EVC2: variants seen among roughly 807,000 people sequenced by gnomAD.
The protein encoded by EVC2 is limbin.
EVC2 carries 148 observed loss-of-function variants against 149.3 expected under a neutral mutation model. That is an observed-to-expected ratio of 0.99 (90% CI 0.87 to 1.14). The LOEUF (loss-of-function observed/expected upper bound fraction) is 1.14, where lower values mean the gene tolerates loss of function less well. Ranked by LOEUF, EVC2 falls within the 50% of genes most tolerant of loss-of-function variation. The pLI is 0.00. For missense variants in EVC2, 1,854 were observed against 1,627.3 expected (o/e 1.14, Z -2.40); for synonymous variants, 776 against 649.9 (o/e 1.19, Z -2.95).
Position 5,686,913 on chromosome 4 carries a change from G to C in EVC2, c.707-1434C>G, listed in dbSNP as rs1426725764. Among the ~76,000 whole-genome samples the C allele has an allele frequency of 6.6e-6, 1 of 152,168 alleles. No homozygotes were observed. The highest frequency in any genetic ancestry group is 1.5e-5 in the Non-Finnish European group (1 of 68,038). On this transcript the variant is annotated intron_variant, in intron 5 of 21. Coordinates refer to ENST00000344408, the MANE Select transcript of EVC2 (RefSeq NM_147127.5). The surrounding 1 kb of genome is among the most constrained non-coding windows in gnomAD (Gnocchi z 5.4). ...CAGGGAATGTAGAGCCCAGTAGGTA[G>C]AGCTAAGCATGGGCATAAATAACAA... is the stretch of plus-strand genomic sequence containing the variant.
downstream of EVC2, among the ~76,000 whole-genome samples, chr4:5,538,674 T>TA (rs869264592): frequency 1.3e-5 from 2 of 152,296 alleles, no homozygotes; most frequent in East Asian, 1.9e-4. Flanking sequence ...TAATATTTTT[T>TA]AAAAAATCAA....
chr4:5,556,179 CAAAAAAAAAAAAAA>C (rs61024761), intron 21 of EVC2, among the ~76,000 whole-genome samples: 115 of 65,040 alleles, frequency 1.8e-3, no homozygotes, highest in African/African-American at 7.3e-3. Flanking sequence ...GACTCCGTCT[CAAAAAAAAAAAAAA>C]AAAAAAAAAA....
At chr4:5,701,858 C>A (rs1441626895) in intron 1 of EVC2, among the ~76,000 whole-genome samples, 1 of 152,166 alleles carries the variant, frequency 6.6e-6, no homozygotes, top group African/African-American at 2.4e-5. Context: ...CAACCCAGAA[C>A]CAATCCCAGT....
At chr4:5,704,093 G>A (rs1422622304) in intron 1 of EVC2, among the ~76,000 whole-genome samples, 5 of 152,124 alleles carry the variant, frequency 3.3e-5, no homozygotes, top group South Asian at 2.1e-4. Flanking sequence ...GAGCTACTCC[G>A]TGATGAGTGG....
In EVC2 at chr4:5,623,877, T is replaced by C. The variant is rs534290703; in HGVS notation, c.2047-886A>G. Among the ~76,000 whole-genome samples the C allele has an allele frequency of 2.3e-4, 35 of 152,296 alleles. 1 individual carries two copies. The South Asian group carries it at 7.3e-3, about 32-fold the overall frequency. ...CTCCCTTTCAGAAGAGTTGTGAAGATTATGCGAGTTACTTAATACACATAC... is the reference window on the plus strand; with the variant it reads ...CTCCCTTTCAGAAGAGTTGTGAAGACTATGCGAGTTACTTAATACACATAC... On this transcript the variant is annotated intron_variant, in intron 13 of 21. Transcript: ENST00000344408.
Position 5,625,902 on chromosome 4 carries a change from C to T in EVC2, c.1893G>A (p.Gly631=), listed in dbSNP as rs1363412492. ...TTTCCATTTGGTCTTCATCCAGGTACCCTGCTCTAGATGGAAAGGATGTAA... is the reference window on the plus strand; with the variant it reads ...TTTCCATTTGGTCTTCATCCAGGTATCCTGCTCTAGATGGAAAGGATGTAA... The part of the protein sequence containing the change: ...THLIQKHERA[G]YLDEDQMEML... Residue 631 remains glycine, a synonymous_variant, in exon 13 of 22, where the codon GGG becomes GGA. Transcript: ENST00000344408. This position sits in a 1 kb window ranked among gnomAD's most constrained non-coding sequence, Gnocchi z 4.0. 1.9e-6 allele frequency: 3 copies of T among 1,613,970 alleles called. No homozygotes were observed. Among genetic ancestry groups the T allele is most frequent in the Non-Finnish European group, 2.5e-6 (3 of 1,180,012 alleles).
At chr4:5,593,242 C>T (rs4333126) in intron 16 of EVC2, among the ~76,000 whole-genome samples, 75,656 of 152,012 alleles carry the variant, frequency 0.5, 20,829 homozygotes, top group East Asian at 0.86. Flanking sequence ...TCCAGAAGTA[C>T]GCCACTGTAT....
At chr4:5,695,015 T>A (rs540255402) in intron 2 of EVC2, among the ~76,000 whole-genome samples, 18 of 152,172 alleles carry the variant, frequency 1.2e-4, no homozygotes, top group African/African-American at 4.1e-4. Flanking sequence ...AGAGGATGTG[T>A]GCACGGCCAG....
intron 21 of EVC2, among the ~76,000 whole-genome samples, chr4:5,545,100 CTTCCA>C (rs926005234): frequency 1.2e-4 from 18 of 152,314 alleles, no homozygotes; most frequent in African/African-American, 4.3e-4. Flanking sequence ...AGGGGGCTTC[CTTCCA>C]CAATGCTTCA....
chr4:5,699,646 A>AAAAAT (rs1721700836), intron 1 of EVC2, among the ~76,000 whole-genome samples: 1 of 150,542 alleles, frequency 6.6e-6, no homozygotes, highest in African/African-American at 2.4e-5. Flanking sequence ...TCTCTACAAA[A>AAAAAT]AAAAAAAAAA....
intron 1 of EVC2, among the ~76,000 whole-genome samples, chr4:5,698,680 G>C (rs1402346479): frequency 2.6e-5 from 4 of 152,178 alleles, no homozygotes; most frequent in African/African-American, 9.7e-5. Flanking sequence ...AGTCCCTATA[G>C]AAATGCATGA....
At chr4:5,627,575 T>C (rs1716210403) in intron 12 of EVC2, among the ~76,000 whole-genome samples, 1 of 152,220 alleles carries the variant, frequency 6.6e-6, no homozygotes, top group Non-Finnish European at 1.5e-5. Context: ...AAAGCCGCTT[T>C]ATAGTCATGT....
Position 5,596,340 on chromosome 4 carries a change from A to G in EVC2, c.2830-11490T>C, listed in dbSNP as rs575136537. On this transcript the variant is annotated intron_variant, in intron 16 of 21. Coordinates refer to ENST00000344408, the MANE Select transcript of EVC2 (RefSeq NM_147127.5). ...GGAAGTAAAGCTCTCCTCAGCAAAT[A>G]TAAAAGATCAGACATTATAACAAAC... Among the ~76,000 whole-genome samples the G allele has an allele frequency of 7.2e-4, 110 of 152,300 alleles. 1 individual carries two copies. The highest frequency in any genetic ancestry group is 1.8e-3 in the Admixed American group (28 of 15,292).
In EVC2 at chr4:5,697,582, G is replaced by A. The variant is rs750808982; in HGVS notation, c.283+11C>T. The A allele has an allele frequency of 6.2e-7, 1 of 1,614,050 alleles. No homozygotes were observed. Among genetic ancestry groups the A allele is most frequent in the Admixed American group, 1.7e-5 (1 of 60,002 alleles). ...CAAAACAGGGGAACATCAACCAGAA[G>A]AAAAACTCACCTGCAGTCTTAAAGT... On this transcript the variant is annotated intron_variant, in intron 2 of 21. Transcript: ENST00000344408.
At chr4:5,707,779 G>C (rs1237311719) in intron 1 of EVC2, among the ~76,000 whole-genome samples, 1 of 152,026 alleles carries the variant, frequency 6.6e-6, no homozygotes, top group Non-Finnish European at 1.5e-5. Context: ...ACAGAGGGAG[G>C]GCCAGGGTGA....
At chr4:5,573,188 C>T (rs984318249) in intron 19 of EVC2, among the ~76,000 whole-genome samples, 6 of 152,136 alleles carry the variant, frequency 3.9e-5, no homozygotes, top group African/African-American at 1.4e-4. Context: ...CCCAAAATGT[C>T]CCATCCTGGG....
Position 5,665,704 on chromosome 4 carries a change from A to C in EVC2, c.871-55T>G, listed in dbSNP as rs1274209151. 3 of 1,600,536 alleles carry C rather than the reference A, an allele frequency of 1.9e-6. No homozygotes were observed. In the Admixed American group the frequency reaches 5.2e-5, roughly 28 times the overall value. On this transcript the variant is annotated intron_variant, in intron 7 of 21. Coordinates refer to ENST00000344408, the MANE Select transcript of EVC2 (RefSeq NM_147127.5). The stretch of plus-strand genomic sequence containing the variant: ...TGTGTGGTCAGACAGCATGTCTCCC[A>C]GGCCTCACAGATGATTGAGTGTCAG...
At chr4:5,693,299 G>A (rs1251965139) in intron 3 of EVC2, among the ~76,000 whole-genome samples, 3 of 152,180 alleles carry the variant, frequency 2.0e-5, no homozygotes, top group African/African-American at 7.2e-5. Context: ...CTGTGTATGT[G>A]TCCTTATTTG....
At chr4:5,653,326 C>T (rs963157683) in intron 9 of EVC2, among the ~76,000 whole-genome samples, 2 of 152,244 alleles carry the variant, frequency 1.3e-5, no homozygotes, top group Non-Finnish European at 1.5e-5. Flanking sequence ...GGACTGCAGT[C>T]CCTCTCCATC....
Sources: allele counts gnomAD v4.1 joint callset (sites outside exome capture counted in the v4.1 genomes callset), GRCh38; gene constraint gnomAD v4.1.1; non-coding constraint Gnocchi (gnomAD v3.1); transcripts MANE v1.5; gene names NCBI Gene and HGNC (gene_info 2026-07-23, HGNC 2026-07-21).